The following PCDHA2 variants were observed in gnomAD, a reference collection of about 807,000 sequenced individuals.
PCDHA2 encodes the protein protocadherin alpha 2.
In PCDHA2, 58 loss-of-function variants were observed where a neutral mutation model predicts 66.0. That is an observed-to-expected ratio of 0.88 (90% CI 0.71 to 1.09). The LOEUF (loss-of-function observed/expected upper bound fraction) is 1.09, where lower values mean the gene tolerates loss of function less well. Ranked by LOEUF, PCDHA2 falls within the 50% of genes least tolerant of loss-of-function variation. PCDHA2 has a pLI of 0.00. For missense variants in PCDHA2, 1,267 were observed against 1,242.3 expected, an observed-to-expected ratio of 1.02 and a Z score of -0.30; for synonymous variants, 634 against 554.0, an observed-to-expected ratio of 1.14 and a Z score of -2.03.
intron 1 of PCDHA2, among the ~76,000 whole-genome samples, chr5:140,963,688 G>A (rs185853589): frequency 5.9e-5 from 9 of 152,274 alleles, no homozygotes; most frequent in Admixed American, 5.9e-4. Context: ...GTTTATCCGT[G>A]TTTGATATCT....
Position 140,841,637 on chromosome 5 carries a change from C to G in PCDHA2, c.2388+44285C>G, listed in dbSNP as rs2150319876. The G allele has an allele frequency of 4.3e-6, 7 of 1,614,008 alleles. No individual in the cohort carries two copies. Among genetic ancestry groups the G allele is most frequent in the Admixed American group, 3.3e-5 (2 of 59,990 alleles). ...GCGGAGCGCGGAGTGCAGCATCCAC[C>G]TGGAGGTGATCGTGGACAGGCCGCT... On this transcript the variant is annotated intron_variant, in intron 1 of 3. Coordinates refer to ENST00000526136, the MANE Select transcript of PCDHA2 (RefSeq NM_018905.3).
At position 140,808,500 on chromosome 5, in the gene PCDHA2, C is replaced by T. The variant is rs527429618; in HGVS notation, c.2388+11148C>T. The T allele has an allele frequency of 2.7e-5, 44 of 1,614,182 alleles. No homozygotes were observed. In the South Asian group the frequency reaches 3.4e-4, roughly 12 times the overall value. On this transcript the variant is annotated intron_variant, in intron 1 of 3. Coordinates refer to ENST00000526136, the MANE Select transcript of PCDHA2 (RefSeq NM_018905.3). ...GGGGGCTCGCCTTCGCTGTGGGCCA[C>T]GGCCAGTGTTTCTGTGGAGGTGGCT...
chr5:140,824,240 TG>T (rs2150133455), intron 1 of PCDHA2: 160 of 1,495,102 alleles, frequency 1.1e-4, no homozygotes, highest in Middle Eastern at 6.9e-4. Flanking sequence ...ACAAATATTG[TG>T]GTACACAATT....
In PCDHA2 at chr5:140,850,049, C is replaced by A. The variant is rs1354549642; in HGVS notation, c.2388+52697C>A. 3 of 1,596,466 alleles carry A rather than the reference C, an allele frequency of 1.9e-6. 1 individual carries two copies. The highest frequency in any genetic ancestry group is 1.3e-5 in the African/African-American group (1 of 74,464). ...TGCACGCGGAGAGCGGCAAGGTGTA[C>A]GCGCTGCAGCCGTTGGACCACGAGG... On this transcript the variant is annotated intron_variant, in intron 1 of 3. Coordinates refer to ENST00000526136, the MANE Select transcript of PCDHA2 (RefSeq NM_018905.3).
intron 1 of PCDHA2, chr5:140,830,305 G>C: frequency 6.2e-7 from 1 of 1,613,948 alleles, no homozygotes; most frequent in Non-Finnish European, 8.5e-7. Context: ...ACAAGCCCAC[G>C]CTGGTGTGCT....
chr5:140,820,904 G>T (rs1766854844), intron 1 of PCDHA2, among the ~76,000 whole-genome samples: 1 of 151,816 alleles, frequency 6.6e-6, no homozygotes, highest in South Asian at 2.1e-4. Context: ...TACCAAAGTC[G>T]TTCTATTATG....
At chr5:140,877,166 T>C in intron 1 of PCDHA2, 3 of 1,613,836 alleles carry the variant, frequency 1.9e-6, no homozygotes, top group Non-Finnish European at 2.5e-6. Context: ...GCGCCGGCAC[T>C]GCTGGCGACT....
At chr5:140,882,252 G>A in intron 1 of PCDHA2, 1 of 1,597,600 alleles carries the variant, frequency 6.3e-7, no homozygotes, top group Non-Finnish European at 8.5e-7. Context: ...ATAGCTCTGA[G>A]GTTTTTGGAG....
At chr5:140,994,451 C>T (rs782287082) in intron 3 of PCDHA2, among the ~76,000 whole-genome samples, 14 of 152,116 alleles carry the variant, frequency 9.2e-5, no homozygotes, top group Non-Finnish European at 1.6e-4. Flanking sequence ...ACCTGTGATC[C>T]CAGCACTTTG....
chr5:140,871,218 G>C, intron 1 of PCDHA2: 19 of 1,613,884 alleles, frequency 1.2e-5, no homozygotes, highest in Non-Finnish European at 1.6e-5. Context: ...CCATCTGCGT[G>C]GTGTCCAGCC....
chr5:140,957,827 T>C (rs2095387768), intron 1 of PCDHA2, among the ~76,000 whole-genome samples: 1 of 150,810 alleles, frequency 6.6e-6, no homozygotes, highest in Admixed American at 6.7e-5. Flanking sequence ...TAAGAGAAAG[T>C]GTTAATTGAT....
intron 1 of PCDHA2, chr5:140,863,139 G>A (rs1554157817): frequency 3.3e-6 from 2 of 605,396 alleles, no homozygotes; most frequent in African/African-American, 3.7e-5. Flanking sequence ...GCCTGCTGGT[G>A]CTGGTGAAGG....
chr5:140,807,561 A>T, intron 1 of PCDHA2: 1 of 1,614,180 alleles, frequency 6.2e-7, no homozygotes, highest in Non-Finnish European at 8.5e-7. Context: ...GAGGTGAGGG[A>T]CATTAACGAT....
rs1554213778 is a variant in PCDHA2, at chr5:140,941,190, T to TC, written c.2389-37759_2389-37758insC. ...CCATCTTGAACATCCTGCTTCTTTT[T>TC]TTTTCTTTCTTCCTTTCTTTCTTCC... On this transcript the variant is annotated intron_variant, in intron 1 of 3. Coordinates refer to ENST00000526136, the MANE Select transcript of PCDHA2 (RefSeq NM_018905.3). Among the ~76,000 whole-genome samples, 446 of 129,506 alleles carry TC rather than the reference T, an allele frequency of 3.4e-3. 3 individuals are homozygous for TC. Among genetic ancestry groups the TC allele is most frequent in the South Asian group, 0.026 (101 of 3,954 alleles). The allele number at this position is 129,506 out of a possible 152,430, so 85.0% of individuals were successfully genotyped here.
At chr5:140,851,638 T>G in intron 1 of PCDHA2, 1 of 915,858 alleles carries the variant, frequency 1.1e-6, no homozygotes, top group Non-Finnish European at 1.3e-6. Context: ...AAGTGTTTCC[T>G]TTCTTCAAGA....
intron 1 of PCDHA2, chr5:140,877,489 G>A: frequency 6.2e-7 from 1 of 1,613,844 alleles, no homozygotes; most frequent in Non-Finnish European, 8.5e-7. Context: ...GGTGGAGAAC[G>A]GCCAGGCCCC....
In PCDHA2 at chr5:140,938,797, G is replaced by T. The variant is rs76361474; in HGVS notation, c.2389-40152G>T. On this transcript the variant is annotated intron_variant, in intron 1 of 3. Coordinates refer to ENST00000526136, the MANE Select transcript of PCDHA2 (RefSeq NM_018905.3). Reference sequence around the variant, plus strand: ...TTAGTACCTGAATGATGAAATAATCGGTACCACAAACCCCTGTGACATGAG... The same window carrying T: ...TTAGTACCTGAATGATGAAATAATCTGTACCACAAACCCCTGTGACATGAG... Among the ~76,000 whole-genome samples, 827 of 152,042 alleles carry T rather than the reference G, an allele frequency of 5.4e-3. 3 individuals carry two copies. Among genetic ancestry groups the T allele is most frequent in the African/African-American group, 0.019 (796 of 41,444 alleles).
intron 1 of PCDHA2, chr5:140,926,974 G>T (rs145276602): frequency 2.2e-4 from 360 of 1,610,140 alleles, no homozygotes; most frequent in Middle Eastern, 1.2e-3. Context: ...CTCAGTGCCG[G>T]AGGAGACGGA....
chr5:140,804,211 C>T (rs1554123052), intron 1 of PCDHA2: 3 of 151,960 alleles, frequency 2.0e-5, no homozygotes, highest in East Asian at 1.9e-4. Flanking sequence ...TTGGCAATAC[C>T]GTTTATTGTT....
Sources: gnomAD v4.1 joint callset for allele counts (sites outside exome capture counted in the v4.1 genomes callset) on GRCh38, gnomAD v4.1.1 for gene constraint, MANE v1.5 for transcripts, NCBI Gene and HGNC (gene_info 2026-07-23, HGNC 2026-07-21) for gene names.